The following CASD1 variants were observed in gnomAD, a reference collection of about 807,000 sequenced individuals.
CASD1 encodes N-acetylneuraminate (7)9-O-acetyltransferase.
In CASD1, 41 loss-of-function variants were observed where a neutral mutation model predicts 100.0. The observed-to-expected ratio is 0.41, with a 90% CI of 0.32 to 0.53. The LOEUF is 0.53. Among genes scored for constraint, CASD1 ranks in the 20% least tolerant of loss-of-function variants. The pLI is 0.25. For synonymous variants in CASD1, 321 were observed against 315.6 expected, an observed-to-expected ratio of 1.02 and a Z score of -0.18; for missense variants, 774 against 948.7, an observed-to-expected ratio of 0.82 and a Z score of 2.42.
chr7:94,538,364 G>A (rs961610957), intron 9 of CASD1, among the ~76,000 whole-genome samples: 44 of 152,080 alleles, frequency 2.9e-4, no homozygotes, highest in Admixed American at 2.3e-3. Flanking sequence ...ACTACTCACA[G>A]TATTCTGATT....
At chr7:94,568,886 T>A in the CASD1 span, among the ~76,000 whole-genome samples, 1 of 152,204 alleles carries the variant, frequency 6.6e-6, no homozygotes. Flanking sequence ...ACCAGCACTT[T>A]GATCTTGTAC....
At chr7:94,604,535 C>G in the CASD1 span, among the ~76,000 whole-genome samples, 4 of 151,148 alleles carry the variant, frequency 2.6e-5, no homozygotes, top group Non-Finnish European at 4.4e-5. Flanking sequence ...GGCATAGGAA[C>G]AGACAGACAG....
At chr7:94,599,811 T>C in the CASD1 span, 1 of 971,374 alleles carries the variant, frequency 1.0e-6, no homozygotes, top group African/African-American at 1.6e-5. Context: ...TTGCATGATG[T>C]GGAAATGCTG....
intron 5 of CASD1, among the ~76,000 whole-genome samples, chr7:94,531,697 TA>T (rs1358827868): frequency 6.6e-6 from 1 of 152,152 alleles, no homozygotes; most frequent in African/African-American, 2.4e-5. Context: ...TATTTTACAG[TA>T]AGCATGTATT....
chr7:94,589,152 T>C, the CASD1 span: 3 of 203,874 alleles, frequency 1.5e-5, no homozygotes, highest in South Asian at 9.3e-5. Flanking sequence ...GAACAACATA[T>C]ATAACCACCT....
chr7:94,521,064 C>T (rs1398404589), intron 3 of CASD1, among the ~76,000 whole-genome samples: 1 of 152,080 alleles, frequency 6.6e-6, no homozygotes, highest in Admixed American at 6.5e-5. Flanking sequence ...TGCACTCCAG[C>T]CTGGCGACAG....
chr7:94,528,167 C>T, intron 4 of CASD1, 21 bp from the exon 5 acceptor site: 1 of 1,548,042 alleles, frequency 6.5e-7, no homozygotes, highest in East Asian at 2.3e-5. Context: ...TTTTTCTTTA[C>T]TTCTAACATT....
At position 94,544,524 on chromosome 7, in the gene CASD1, A is replaced by G. The variant is rs149736460; in HGVS notation, c.1470A>G (p.Val490=). 5.4e-4 allele frequency: 875 copies of G among 1,611,976 alleles called. 3 individuals are homozygous for G. The Middle Eastern group carries it at 7.4e-3, about 14-fold the overall frequency. Residue 490 remains valine (V), a synonymous_variant, in exon 11 of 18, where the codon GTA becomes GTG. Transcript: ENST00000297273. ...AAGGAGATTTTGGAATCTATAGAGT[A>G]TGTCAGGTAGGAATGCACTGTTATT... ...WIKGDFGIYR[V]CQVLFRLNFL...
chr7:94,576,112 T>C, the CASD1 span, among the ~76,000 whole-genome samples: 1 of 152,354 alleles, frequency 6.6e-6, no homozygotes, highest in Middle Eastern at 3.4e-3. Context: ...ATTCCCATTA[T>C]GCATATGATG....
At chr7:94,608,260 C>T in the CASD1 span, among the ~76,000 whole-genome samples, 2 of 152,278 alleles carry the variant, frequency 1.3e-5, no homozygotes, top group South Asian at 2.1e-4. Context: ...GGGTTGAACC[C>T]AGGAGGCAGA....
intron 10 of CASD1, among the ~76,000 whole-genome samples, chr7:94,543,245 A>G (rs1220732687): frequency 6.6e-6 from 1 of 152,338 alleles, no homozygotes; most frequent in East Asian, 1.9e-4. Context: ...TATCCGTCCA[A>G]AAAGAAACAT....
chr7:94,530,593 A>G (rs1794805958), intron 5 of CASD1, among the ~76,000 whole-genome samples: 1 of 152,162 alleles, frequency 6.6e-6, no homozygotes, highest in Non-Finnish European at 1.5e-5. Context: ...GATGTGATAC[A>G]GTGGAGGAGT....
At chr7:94,615,252 AGGAGGT>A in the CASD1 span, among the ~76,000 whole-genome samples, 4 of 152,108 alleles carry the variant, frequency 2.6e-5, no homozygotes, top group African/African-American at 9.7e-5. Context: ...TCAGCTAATC[AGGAGGT>A]TGAGGCAGGA....
At chr7:94,558,213 G>A (rs1324777579), downstream of CASD1, among the ~76,000 whole-genome samples, 1 of 152,130 alleles carries the variant, frequency 6.6e-6, no homozygotes, top group Non-Finnish European at 1.5e-5. Flanking sequence ...ACAAGGATGT[G>A]GGACCCAAGT....
intron 3 of CASD1, among the ~76,000 whole-genome samples, chr7:94,521,284 G>A (rs1794253162): frequency 6.6e-6 from 1 of 152,102 alleles, no homozygotes; most frequent in Non-Finnish European, 1.5e-5. Flanking sequence ...CATCAGGAAT[G>A]AGGGAAATGT....
intron 3 of CASD1, among the ~76,000 whole-genome samples, chr7:94,519,321 T>C (rs1794134392): frequency 6.6e-6 from 1 of 152,108 alleles, no homozygotes; most frequent in Non-Finnish European, 1.5e-5. Context: ...GAGAGGGGAA[T>C]AGCAAAGGGG....
intron 7 of CASD1, 94 bp from the exon 8 acceptor site, chr7:94,535,215 A>G (rs1280350279): frequency 1.1e-6 from 1 of 874,960 alleles, no homozygotes; most frequent in African/African-American, 1.7e-5. Context: ...TTTAAAAATA[A>G]CATATGAAAT....
At chr7:94,586,857 A>T in the CASD1 span, 9 of 960,616 alleles carry the variant, frequency 9.4e-6, no homozygotes, top group Non-Finnish European at 1.1e-5. Flanking sequence ...GCATAATTAT[A>T]AAAAAAAATG....
chr7:94,549,978 T>A (rs1049961201), intron 14 of CASD1, among the ~76,000 whole-genome samples: 6 of 152,116 alleles, frequency 3.9e-5, no homozygotes, highest in African/African-American at 1.4e-4. Flanking sequence ...TAGATGTTGA[T>A]GCCATGAAGT....
Sources: gnomAD v4.1 joint callset for allele counts (sites outside exome capture counted in the v4.1 genomes callset) on GRCh38, gnomAD v4.1.1 for gene constraint, MANE v1.5 for transcripts, NCBI Gene and HGNC (gene_info 2026-07-23, HGNC 2026-07-21) for gene names.